FMNL3: variants seen among roughly 807,000 people sequenced by gnomAD.
FMNL3 encodes the protein formin like 3, also known as formin-like protein 3.
In FMNL3, 57 loss-of-function variants were observed where a neutral mutation model predicts 119.6. The observed-to-expected ratio is 0.48, with a 90% CI of 0.39 to 0.59. The LOEUF is 0.59. Among genes scored for constraint, FMNL3 ranks in the 20% least tolerant of loss-of-function variants. The probability of loss-of-function intolerance (pLI) is 0.00; values close to 1 mark genes in which losing one functional copy is unlikely to be tolerated. For missense variants in FMNL3, 1,053 were observed against 1,323.5 expected (o/e 0.80, Z 3.17); for synonymous variants, 491 against 507.3 (o/e 0.97, Z 0.43).
chr12:49,700,060 T>C lies in FMNL3; in HGVS notation c.126+6995A>G, dbSNP rs376525447. Among the ~76,000 whole-genome samples, 9 of 152,220 alleles carry C rather than the reference T, an allele frequency of 5.9e-5. No homozygotes were observed. In the East Asian group the frequency reaches 1.2e-3, roughly 19 times the overall value. On this transcript the variant is annotated intron_variant, in intron 1 of 25. Coordinates refer to ENST00000335154, the MANE Select transcript of FMNL3 (RefSeq NM_175736.5). ...AATCAGAGATGGACACAAATATTTATGCACAGGATGTTCAACACAGTGTTA... is the reference window on the plus strand; with the variant it reads ...AATCAGAGATGGACACAAATATTTACGCACAGGATGTTCAACACAGTGTTA...
In FMNL3 at chr12:49,638,313, T is replaced by G. The variant is rs1010618984; in HGVS notation, c.*7502A>C. The G allele has an allele frequency of 4.6e-5, 7 of 153,758 alleles. No individual in the cohort carries two copies. The highest frequency in any genetic ancestry group is 1.4e-4 in the African/African-American group (6 of 41,476). 9.5% of individuals were successfully genotyped at this position (153,758 alleles called of 1,614,324 possible). A position where few individuals can be genotyped will look rare whatever the true frequency, so the allele number is the denominator to read the frequency against. On this transcript the variant is annotated 3_prime_UTR_variant, in exon 26 of 26. Coordinates refer to ENST00000335154, the MANE Select transcript of FMNL3 (RefSeq NM_175736.5). Reference sequence around the variant, plus strand: ...CATTTTAAAACCAGGAAACTTCACATAGAAAATCTGAATCTTTAGCTTCTC... The same window carrying G: ...CATTTTAAAACCAGGAAACTTCACAGAGAAAATCTGAATCTTTAGCTTCTC...
chr12:49,678,838 G>A (rs1010352691), intron 1 of FMNL3, among the ~76,000 whole-genome samples: 1 of 152,154 alleles, frequency 6.6e-6, no homozygotes, highest in African/African-American at 2.4e-5. Context: ...TGATATTCTA[G>A]GCAAGGAGAC....
intron 25 of FMNL3, 42 bp from the exon 26 acceptor site, chr12:49,645,945 G>A (rs906837089): frequency 7.0e-6 from 11 of 1,574,756 alleles, no homozygotes; most frequent in Non-Finnish European, 9.5e-6. Flanking sequence ...ATGGGAGGGT[G>A]AGCCAGGACA....
rs1943593694 is a variant in FMNL3 at position 49,657,073 on chromosome 12, C to T, written c.714+9G>A. 6.2e-7 allele frequency: 1 copy of T among 1,612,462 alleles called. No individual in the cohort carries two copies. Among genetic ancestry groups the T allele is most frequent in the East Asian group, 2.2e-5 (1 of 44,880 alleles). ...AGTAGAGCACCTATGGCTAGTGCTT[C>T]CCCCTTACCTGATAGTTCATGATGG... On this transcript the variant is annotated intron_variant, in intron 7 of 25. Coordinates refer to ENST00000335154, the MANE Select transcript of FMNL3 (RefSeq NM_175736.5).
In FMNL3 at chr12:49,639,226, T is replaced by G. The variant is rs1403204330; in HGVS notation, c.*6589A>C. 18 of 152,062 alleles carry G rather than the reference T, an allele frequency of 1.2e-4. No individual in the cohort carries two copies. Among genetic ancestry groups the G allele is most frequent in the Admixed American group, 1.2e-3 (18 of 15,256 alleles). 9.4% of individuals were successfully genotyped at this position (152,062 alleles called of 1,614,324 possible). ...TACGTACTTATGTCCTTAGGGAAGG[T>G]GGTGGTGCTAGGTAGAGCAGTTCTT... On this transcript the variant is annotated 3_prime_UTR_variant, in exon 26 of 26. Coordinates refer to ENST00000335154, the MANE Select transcript of FMNL3 (RefSeq NM_175736.5).
intron 1 of FMNL3, among the ~76,000 whole-genome samples, chr12:49,703,551 G>A (rs989662331): frequency 6.6e-6 from 1 of 151,970 alleles, no homozygotes; most frequent in Non-Finnish European, 1.5e-5. Context: ...TGTTTCTACA[G>A]TACATGGGGT....
rs1592651138 is a variant in FMNL3 at position 49,656,813 on chromosome 12, A to T, written c.791+10T>A. On this transcript the variant is annotated intron_variant, in intron 8 of 25. Transcript: ENST00000335154. Reference sequence around the variant, plus strand: ...CAGAGTGGGGAGGAAAGGGGAGGGAAGGAACTCACCTTGGATTCTTGTTAT... The same window carrying T: ...CAGAGTGGGGAGGAAAGGGGAGGGATGGAACTCACCTTGGATTCTTGTTAT... 6.2e-7 allele frequency: 1 copy of T among 1,609,174 alleles called. No individual in the cohort carries two copies. Among genetic ancestry groups the T allele is most frequent in the East Asian group, 2.2e-5 (1 of 44,860 alleles).
chr12:49,649,910 T>C lies in FMNL3; in HGVS notation c.2016A>G (p.Thr672=). Residue 672 remains threonine (T), a synonymous_variant, in exon 18 of 26, where the codon ACA becomes ACG. Transcript: ENST00000335154. The surrounding 1 kb of genome is among the most constrained non-coding windows in gnomAD (Gnocchi z 5.6). ...CRAIHTFDLQ[T]LPVDFVECLM... is the part of the protein sequence containing the mutation. The stretch of plus-strand genomic sequence containing the variant: ...GGCACTCCACGAAGTCCACAGGTAG[T>C]GTCTGCAAGTCAAACCTGTGGAGGA... The C allele has an allele frequency of 2.5e-6, 4 of 1,613,494 alleles. No homozygotes were observed. Among genetic ancestry groups the C allele is most frequent in the Non-Finnish European group, 3.4e-6 (4 of 1,179,648 alleles).
rs1188678651 is a variant in FMNL3 at position 49,638,684 on chromosome 12, TAGG to T, written c.*7128_*7130del. ...TGAGGAGATAATACAGTACAGTGGT[TAGG>T]AGCGGGACTGGAGGCAGACTGCCTA... On this transcript the variant is annotated 3_prime_UTR_variant, in exon 26 of 26. Coordinates refer to ENST00000335154, the MANE Select transcript of FMNL3 (RefSeq NM_175736.5). 1 of 152,226 alleles carries T rather than the reference TAGG, an allele frequency of 6.6e-6. No individual in the cohort carries two copies. The highest frequency in any genetic ancestry group is 1.5e-5 in the Non-Finnish European group (1 of 68,046). The allele number at this position is 152,226 out of a possible 1,614,324, so 9.4% of individuals were successfully genotyped here.
chr12:49,702,072 G>GGTGGGAGAATCACTTGAGC (rs1944924775), intron 1 of FMNL3, among the ~76,000 whole-genome samples: 1 of 152,176 alleles, frequency 6.6e-6, no homozygotes, highest in African/African-American at 2.4e-5. Context: ...GGGTGACTGA[G>GGTGGGAGAATCACTTGAGC]GTGGGAGAAT....
At position 49,707,141 on chromosome 12, in the gene FMNL3, G is replaced by A. The variant is rs1169593490; in HGVS notation, c.40C>T (p.Pro14Ser). The change falls in exon 1 of 26, where the codon CCC (proline) becomes TCC (serine). Residue 14 changes from proline (P) to serine (S), a missense_variant. Pro to Ser is a moderately conservative substitution (Grantham distance 74). Around this residue, in one of 4 missense-constraint regions of FMNL3, gnomAD observed 264 missense variants for 265.5 expected, o/e 0.99. Coordinates refer to ENST00000335154, the MANE Select transcript of FMNL3 (RefSeq NM_175736.5). ...LESAEGVPGE[P>S]PSVPLLLPPG... ...GGCAGCAACAACGGGACAGAGGGGG[G>A]CTCTCCCGGGACCCCCTCGGCGCTC... 1.9e-6 allele frequency: 3 copies of A among 1,597,138 alleles called. No individual in the cohort carries two copies. The highest frequency in any genetic ancestry group is 2.6e-6 in the Non-Finnish European group (3 of 1,173,030).
At chr12:49,688,262 G>A (rs1295184941) in intron 1 of FMNL3, among the ~76,000 whole-genome samples, 1 of 152,208 alleles carries the variant, frequency 6.6e-6, no homozygotes, top group South Asian at 2.1e-4. Context: ...ACAGTCTAGC[G>A]AGAAGCCTGG....
chr12:49,646,961 A>C lies in FMNL3; in HGVS notation c.2920T>G (p.Leu974Val). The change falls in exon 25 of 26, where the codon TTG (leucine) becomes GTG (valine). Residue 974 changes from leucine to valine, a missense_variant. Leu to Val is a conservative substitution (Grantham distance 32). This residue lies in a region of FMNL3 where 324 missense variants were observed against 380.9 expected (regional missense o/e 0.85). Coordinates refer to ENST00000335154, the MANE Select transcript of FMNL3 (RefSeq NM_175736.5). ...TGTTCCTTGGCCTGGCGCCGCCTCAACTCTGCTATTAACTCCTGCTGTTGC... is the reference window on the plus strand; with the variant it reads ...TGTTCCTTGGCCTGGCGCCGCCTCACCTCTGCTATTAACTCCTGCTGTTGC... The part of the protein sequence containing the change: ...KWQQQELIAE[L>V]RRRQAKEHRP... The C allele has an allele frequency of 6.2e-7, 1 of 1,613,982 alleles. No individual in the cohort carries two copies. Among genetic ancestry groups the C allele is most frequent in the Non-Finnish European group, 8.5e-7 (1 of 1,179,966 alleles).
chr12:49,679,873 GC>G (rs1270630722), intron 1 of FMNL3, among the ~76,000 whole-genome samples: 1 of 152,134 alleles, frequency 6.6e-6, no homozygotes, highest in Non-Finnish European at 1.5e-5. Context: ...GACCTGTTTT[GC>G]CTTGCGATAA....
At chr12:49,706,785 G>A (rs1399916059) in intron 1 of FMNL3, among the ~76,000 whole-genome samples, 1 of 152,242 alleles carries the variant, frequency 6.6e-6, no homozygotes, top group Non-Finnish European at 1.5e-5. Flanking sequence ...GAGGAAGAAG[G>A]AGGGAGAAGC....
At chr12:49,648,482 A>G (rs1943285971) in intron 21 of FMNL3, 129 bp from the exon 22 acceptor site, 1 of 953,452 alleles carries the variant, frequency 1.0e-6, no homozygotes, top group South Asian at 2.0e-5. Context: ...CTGTATGGAC[A>G]TAAGGAAGTA....
intron 1 of FMNL3, among the ~76,000 whole-genome samples, chr12:49,677,738 T>C (rs1944229248): frequency 6.6e-6 from 1 of 152,176 alleles, no homozygotes; most frequent in Admixed American, 6.5e-5. Context: ...CAGGGGTCAG[T>C]ATAGACAGCA....
At chr12:49,697,129 T>C (rs1944771827) in intron 1 of FMNL3, among the ~76,000 whole-genome samples, 1 of 152,228 alleles carries the variant, frequency 6.6e-6, no homozygotes, top group African/African-American at 2.4e-5. Context: ...CTCAAACATA[T>C]TCCCAACTTA....
intron 1 of FMNL3, among the ~76,000 whole-genome samples, chr12:49,690,072 G>A (rs1426647328): frequency 6.6e-6 from 1 of 152,202 alleles, no homozygotes; most frequent in African/African-American, 2.4e-5. Context: ...CTTCACAAAA[G>A]CATGTGATTG....
Sources: gnomAD v4.1 joint callset for allele counts (sites outside exome capture counted in the v4.1 genomes callset) on GRCh38, gnomAD v4.1.1 for gene constraint, gnomAD v4.1.1 regional missense constraint, Gnocchi (gnomAD v3.1) non-coding constraint, MANE v1.5 for transcripts, NCBI Gene and HGNC (gene_info 2026-07-23, HGNC 2026-07-21) for gene names.